Variants in CACNB4 observed in about 807,000 individuals in gnomAD.
CACNB4 encodes voltage-dependent L-type calcium channel subunit beta-4.
CACNB4 carries 32 observed loss-of-function variants against 71.2 expected under a neutral mutation model. The ratio of observed to expected loss-of-function variants is 0.45; its 90% CI spans 0.34 to 0.60. The LOEUF (loss-of-function observed/expected upper bound fraction) is 0.60. CACNB4 is among the 20% of genes least tolerant of loss of function. CACNB4 has a pLI of 0.01. For synonymous variants in CACNB4, 231 were observed against 236.9 expected (o/e 0.97, Z 0.23); for missense variants, 464 against 647.9 (o/e 0.72, Z 3.08).
intron 4 of CACNB4, among the ~76,000 whole-genome samples, chr2:151,878,550 T>TACACACACACACACAC (rs60040188): frequency 0.41 from 53,685 of 129,474 alleles, 12,362 homozygotes; most frequent in Admixed American, 0.53. Flanking sequence ...AGACCCTGTC[T>TACACACACACACACAC]ACACACACAC....
intron 2 of CACNB4, among the ~76,000 whole-genome samples, chr2:152,008,286 A>C (rs980632463): frequency 1.3e-5 from 2 of 150,264 alleles, no homozygotes; most frequent in Non-Finnish European, 3.0e-5. Flanking sequence ...TGCTTTGTTC[A>C]GTCTTCTTTC....
At chr2:151,924,792 T>C (rs1470846230) in intron 2 of CACNB4, among the ~76,000 whole-genome samples, 5 of 152,212 alleles carry the variant, frequency 3.3e-5, no homozygotes, top group African/African-American at 1.2e-4. Flanking sequence ...ATAACACATA[T>C]GATATCTGTT....
intron 2 of CACNB4, among the ~76,000 whole-genome samples, chr2:151,896,428 C>A (rs1217726458): frequency 2.0e-5 from 3 of 152,212 alleles, no homozygotes; most frequent in African/African-American, 7.2e-5. Flanking sequence ...AAGAGCTATG[C>A]CTACCCCTAG....
chr2:151,841,043 G>A (rs572718951), intron 13 of CACNB4, among the ~76,000 whole-genome samples: 1 of 152,292 alleles, frequency 6.6e-6, no homozygotes, highest in Non-Finnish European at 1.5e-5. Flanking sequence ...TTCCCTAAAG[G>A]ACACGTGCCA....
chr2:151,852,924 C>T (rs1369747683), intron 12 of CACNB4: 2 of 152,366 alleles, frequency 1.3e-5, no homozygotes, highest in Non-Finnish European at 2.9e-5. Flanking sequence ...AACCCAGCAG[C>T]TGTTTTCTGG....
chr2:151,893,642 C>A (rs1052162135), intron 2 of CACNB4, among the ~76,000 whole-genome samples: 2 of 151,984 alleles, frequency 1.3e-5, no homozygotes, highest in African/African-American at 4.8e-5. Flanking sequence ...TATATAAACA[C>A]ACCTCTACTA....
At chr2:151,910,251 C>T (rs1184960865) in intron 2 of CACNB4, among the ~76,000 whole-genome samples, 1 of 151,988 alleles carries the variant, frequency 6.6e-6, no homozygotes, top group Admixed American at 6.6e-5. Context: ...TGTTTAAGTT[C>T]CTTGTAAATT....
intron 2 of CACNB4, among the ~76,000 whole-genome samples, chr2:152,022,091 T>TG (rs1368356576): frequency 6.6e-6 from 1 of 152,202 alleles, no homozygotes; most frequent in African/African-American, 2.4e-5. Flanking sequence ...AAGTAAGCCT[T>TG]GGGGAAACAA....
At chr2:151,889,440 TG>T (rs2099850190) in intron 2 of CACNB4, among the ~76,000 whole-genome samples, 1 of 133,470 alleles carries the variant, frequency 7.5e-6, no homozygotes, top group Non-Finnish European at 1.5e-5. Context: ...CACTCCAGCC[TG>T]GGCAACAGAG....
intron 2 of CACNB4, among the ~76,000 whole-genome samples, chr2:151,903,769 C>T (rs2151513170): frequency 6.6e-6 from 1 of 152,354 alleles, no homozygotes; most frequent in East Asian, 1.9e-4. Flanking sequence ...CCTGCTCTTG[C>T]ACAGGAGACT....
chr2:151,905,374 T>G (rs1301894921), intron 2 of CACNB4, among the ~76,000 whole-genome samples: 1 of 152,132 alleles, frequency 6.6e-6, no homozygotes, highest in Non-Finnish European at 1.5e-5. Flanking sequence ...AAACACATCT[T>G]CCCGATGTGC....
chr2:152,098,319 CCTT>C lies in CACNB4; in HGVS notation c.147+8_147+10del, dbSNP rs1281077408. On this transcript the variant is annotated splice_region_variant and intron_variant, in intron 2 of 13. Coordinates refer to ENST00000539935, the MANE Select transcript of CACNB4 (RefSeq NM_000726.5). This position sits in a 1 kb window ranked among gnomAD's most constrained non-coding sequence, Gnocchi z 5.3. ...TCCTCCCCATCCTGGTCTCCCGCCT[CCTT>C]CTCATACCTGTCTGAGGATGAAGCT... 19 of 1,609,342 alleles carry C rather than the reference CCTT, an allele frequency of 1.2e-5. No individual in the cohort carries two copies. The highest frequency in any genetic ancestry group is 1.5e-5 in the Non-Finnish European group (18 of 1,175,834).
At chr2:152,028,812 A>C (rs1238435997) in intron 2 of CACNB4, among the ~76,000 whole-genome samples, 2 of 152,238 alleles carry the variant, frequency 1.3e-5, no homozygotes, top group Non-Finnish European at 2.9e-5. Flanking sequence ...GTATTAGCCA[A>C]AACATGATAA....
chr2:151,983,068 C>A (rs1288346978), intron 2 of CACNB4, among the ~76,000 whole-genome samples: 1 of 152,216 alleles, frequency 6.6e-6, no homozygotes, highest in Non-Finnish European at 1.5e-5. Context: ...ATTAAAAACA[C>A]AACAGTGCTA....
chr2:152,079,560 G>A (rs12105499), intron 2 of CACNB4, among the ~76,000 whole-genome samples: 2,312 of 152,052 alleles, frequency 0.015, 51 homozygotes, highest in African/African-American at 0.053. Flanking sequence ...CCAAGGCAGC[G>A]GGATCACTTG....
chr2:152,054,306 C>A (rs1285842992), intron 2 of CACNB4, among the ~76,000 whole-genome samples: 2 of 137,834 alleles, frequency 1.5e-5, no homozygotes, highest in African/African-American at 5.5e-5. Context: ...GCGGAGCTTG[C>A]AGTGAGCCGA....
At chr2:151,945,769 G>A (rs914945428) in intron 2 of CACNB4, among the ~76,000 whole-genome samples, 1 of 151,684 alleles carries the variant, frequency 6.6e-6, no homozygotes, top group Non-Finnish European at 1.5e-5. Context: ...CGCGCCTGTA[G>A]TCATAGCTAC....
chr2:151,874,509 G>A (rs1459341055), intron 5 of CACNB4, among the ~76,000 whole-genome samples: 2 of 151,456 alleles, frequency 1.3e-5, no homozygotes, highest in African/African-American at 2.4e-5. Flanking sequence ...ACTAATACAA[G>A]GGACAAGAGG....
chr2:151,919,710 G>C (rs1160553720), intron 2 of CACNB4, among the ~76,000 whole-genome samples: 1 of 151,960 alleles, frequency 6.6e-6, no homozygotes, highest in Non-Finnish European at 1.5e-5. Flanking sequence ...CTCCTACCTT[G>C]ACGCCCCCCT....
Sources: gnomAD v4.1 joint callset for allele counts (sites outside exome capture counted in the v4.1 genomes callset) on GRCh38, gnomAD v4.1.1 for gene constraint, Gnocchi (gnomAD v3.1) non-coding constraint, MANE v1.5 for transcripts, NCBI Gene and HGNC (gene_info 2026-07-23, HGNC 2026-07-21) for gene names.